NPR1: variants seen among roughly 807,000 people sequenced by gnomAD.
The protein encoded by NPR1 is natriuretic peptide receptor 1.
Under a neutral mutation model 116.9 loss-of-function variants are expected in NPR1, and 57 were observed. The ratio of observed to expected loss-of-function variants is 0.49; its 90% CI spans 0.39 to 0.61. The LOEUF is 0.61. Among genes scored for constraint, NPR1 ranks in the 20% least tolerant of loss-of-function variants. The pLI is 0.00. For synonymous variants in NPR1, 555 were observed against 601.6 expected (o/e 0.92, Z 1.13); for missense variants, 1,096 against 1,409.8 (o/e 0.78, Z 3.56).
intron 15 of NPR1, 87 bp from the exon 16 acceptor site, chr1:153,688,866 T>C: frequency 6.4e-7 from 1 of 1,550,460 alleles, no homozygotes; most frequent in Non-Finnish European, 8.8e-7. Context: ...CACTGCAGTC[T>C]GGAGGGGGAA....
Position 153,681,320 on chromosome 1 carries a change from G to C in NPR1, c.1035+27G>C, listed in dbSNP as rs1012795924. The C allele has an allele frequency of 2.2e-6, 3 of 1,334,012 alleles. No individual in the cohort carries two copies. In the African/African-American group the frequency reaches 4.3e-5, roughly 19 times the overall value. The allele number at this position is 1,334,012 out of a possible 1,614,324, so 82.6% of individuals were successfully genotyped here. On this transcript the variant is annotated intron_variant, in intron 3 of 21. Coordinates refer to ENST00000368680, the MANE Select transcript of NPR1 (RefSeq NM_000906.4). ...TAAGAAGGGGTCCCGGGACCCTCCA[G>C]CGTGGACCTCCAGCCCCCACTCCAT...
rs1266816811 is a variant in NPR1, at chr1:153,689,559, CA to C, written c.2757+39del. 3 of 1,583,116 alleles carry C rather than the reference CA, an allele frequency of 1.9e-6. No individual in the cohort carries two copies. In the East Asian group the frequency reaches 6.7e-5, roughly 35 times the overall value. On this transcript the variant is annotated intron_variant, in intron 18 of 21. Transcript: ENST00000368680. The surrounding 1 kb of genome is among the most constrained non-coding windows in gnomAD (Gnocchi z 5.1). ...GTGGGGATGGGAAGGGACAGACAGA[CA>C]TGGACAAGGTCAGAAAAAGATGAGG...
In NPR1 at chr1:153,679,532, C is replaced by G; in HGVS notation, c.424C>G (p.Pro142Ala). ...WRVPLLTAGAPALGFGVKDEY... is the reference protein window; with the variant it reads ...WRVPLLTAGAAALGFGVKDEY... ...GGTCCCGCTGCTGACCGCCGGCGCC[C>G]CGGCGCTGGGCTTCGGTGTCAAGGA... Residue 142 changes from proline to alanine, a missense_variant, in exon 1 of 22, where the codon CCG becomes GCG. Transcript: ENST00000368680. The surrounding 1 kb of genome is among the most constrained non-coding windows in gnomAD (Gnocchi z 4.2). 2 of 1,538,440 alleles carry G rather than the reference C, an allele frequency of 1.3e-6. No individual in the cohort carries two copies. The highest frequency in any genetic ancestry group is 1.7e-6 in the Non-Finnish European group (2 of 1,146,960).
intron 20 of NPR1, among the ~76,000 whole-genome samples, chr1:153,690,942 C>CAAA (rs57820357): frequency 3.9e-5 from 2 of 51,308 alleles, no homozygotes; most frequent in East Asian, 9.5e-4. Context: ...AACTCTGTCT[C>CAAA]AAAAAAAAAA....
Position 153,687,366 on chromosome 1 carries a change from G to A in NPR1, c.2092+10G>A. ...CACACCGTTTATGCCAGTGAGCCTT[G>A]ACTCTTGAACCTAACACCTGCCCCC... On this transcript the variant is annotated intron_variant, in intron 13 of 21. Transcript: ENST00000368680. The A allele has an allele frequency of 6.2e-7, 1 of 1,613,640 alleles. No individual in the cohort carries two copies. Among genetic ancestry groups the A allele is most frequent in the Non-Finnish European group, 8.5e-7 (1 of 1,179,772 alleles).
chr1:153,686,948 C>A, intron 11 of NPR1, 68 bp from the exon 12 acceptor site: 4 of 1,532,188 alleles, frequency 2.6e-6, no homozygotes, highest in South Asian at 1.1e-5. Context: ...ATCAGTAGGA[C>A]CCTGCACCCT....
chr1:153,682,589 G>C lies in NPR1; in HGVS notation c.1263G>C (p.Arg421Ser). Residue 421 changes from arginine to serine, a missense_variant and splice_region_variant, in exon 5 of 22, where the codon AGG (arginine) becomes AGC (serine). Physicochemically the swap from Arg to Ser is moderately radical, Grantham distance 110. Coordinates refer to ENST00000368680, the MANE Select transcript of NPR1 (RefSeq NM_000906.4). The stretch of plus-strand genomic sequence containing the variant: ...TGGATCCCGAGAATGGTGCCTTCAG[G>C]GTAAGTTTGTGCACCCAGAAGACAG... ...WDMDPENGAF[R>S]VVLNYNGTSQ... is the part of the protein sequence containing the mutation. 1 of 1,612,694 alleles carries C rather than the reference G, an allele frequency of 6.2e-7. No homozygotes were observed. Among genetic ancestry groups the C allele is most frequent in the Non-Finnish European group, 8.5e-7 (1 of 1,178,822 alleles).
rs1033564598 is a variant in NPR1, at chr1:153,693,513, G to A, written c.*99G>A. On this transcript the variant is annotated 3_prime_UTR_variant, in exon 22 of 22. Coordinates refer to ENST00000368680, the MANE Select transcript of NPR1 (RefSeq NM_000906.4). ...CACCCACAGCAGCCCCATCGCCAAA[G>A]GATGGAAGTAATTTGAATAGCTCAG... 7 of 1,088,024 alleles carry A rather than the reference G, an allele frequency of 6.4e-6. No homozygotes were observed. The African/African-American group carries it at 1.1e-4, about 17-fold the overall frequency. 67.4% of individuals were successfully genotyped at this position (1,088,024 alleles called of 1,614,324 possible). A position where few individuals can be genotyped will look rare whatever the true frequency, so the allele number is the denominator to read the frequency against.
intron 20 of NPR1, among the ~76,000 whole-genome samples, chr1:153,691,806 T>C (rs1217265359): frequency 6.7e-6 from 1 of 150,176 alleles, no homozygotes; most frequent in East Asian, 2.0e-4. Flanking sequence ...GGCTGAGACA[T>C]GAAAATCACT....
chr1:153,687,136 C>G, intron 12 of NPR1, 49 bp downstream of exon 12: 1 of 1,612,668 alleles, frequency 6.2e-7, no homozygotes. Context: ...GCCAGGCATG[C>G]TTCTCCTGGC....
rs1427514023 is a variant in NPR1, at chr1:153,680,667, T to TG, written c.891dup (p.Gln298AlafsTer18). The TG allele has an allele frequency of 9.9e-6, 16 of 1,613,824 alleles. No homozygotes were observed. Among genetic ancestry groups the TG allele is most frequent in the Non-Finnish European group, 1.2e-5 (14 of 1,179,972 alleles). Reference sequence around the variant, plus strand: ...CCCGCAGGCCCTGGGAGAGAGGGGATGGGCAGGATGTCAGTGCCCGCCAGG... The same window carrying TG: ...CCCGCAGGCCCTGGGAGAGAGGGGATGGGGCAGGATGTCAGTGCCCGCCAGG... On this transcript the variant is annotated frameshift_variant, in exon 2 of 22. Transcript: ENST00000368680. LOFTEE classifies it high-confidence loss of function.
chr1:153,691,978 G>A (rs1329260755), intron 20 of NPR1, among the ~76,000 whole-genome samples: 1 of 151,966 alleles, frequency 6.6e-6, no homozygotes, highest in Non-Finnish European at 1.5e-5. Context: ...CCAGAAGTAG[G>A]GACATGAGTT....
At chr1:153,688,260 C>G in intron 15 of NPR1, 39 bp downstream of exon 15, 3 of 1,592,278 alleles carry the variant, frequency 1.9e-6, no homozygotes, top group Non-Finnish European at 2.6e-6. Flanking sequence ...GGCCCTTCCT[C>G]CACAGCCACC....
At chr1:153,687,132 C>T (rs1298970858) in intron 12 of NPR1, 45 bp downstream of exon 12, 1 of 1,612,418 alleles carries the variant, frequency 6.2e-7, no homozygotes, top group South Asian at 1.1e-5. Context: ...AGGGGCCAGG[C>T]ATGCTTCTCC....
Position 153,687,276 on chromosome 1 carries a change from G to A in NPR1, c.2012G>A (p.Arg671His), listed in dbSNP as rs751925892. Reference sequence around the variant, plus strand: ...TCATCCAACTGCGTGGTAGATGGGCGCTTTGTGCTCAAGATCACCGACTAT... The same window carrying A: ...TCATCCAACTGCGTGGTAGATGGGCACTTTGTGCTCAAGATCACCGACTAT... ...LKSSNCVVDG[R>H]FVLKITDYGL... The change falls in exon 13 of 22, where the codon CGC becomes CAC. Residue 671 changes from arginine to histidine, a missense_variant. By Grantham distance (29) the Arg-to-His change is conservative. Coordinates refer to ENST00000368680, the MANE Select transcript of NPR1 (RefSeq NM_000906.4). 13 of 1,613,980 alleles carry A rather than the reference G, an allele frequency of 8.1e-6. No homozygotes were observed. The highest frequency in any genetic ancestry group is 2.7e-5 in the African/African-American group (2 of 74,892).
In NPR1 at chr1:153,690,345, A is replaced by G. The variant is rs1377559865; in HGVS notation, c.2994A>G (p.Thr998=). ...CCCGTTACTGTCTCTTTGGGGATAC[A>G]GTCAACACAGCCTCAAGAATGGAGT... is the stretch of plus-strand genomic sequence containing the variant. ...KMPRYCLFGD[T]VNTASRMESN... Residue 998 remains threonine (T), a synonymous_variant, in exon 20 of 22, where the codon ACA becomes ACG. Transcript: ENST00000368680. 5 of 1,560,428 alleles carry G rather than the reference A, an allele frequency of 3.2e-6. No homozygotes were observed. Among genetic ancestry groups the G allele is most frequent in the Non-Finnish European group, 4.3e-6 (5 of 1,150,952 alleles).
rs78235132 is a variant in NPR1 at position 153,679,460 on chromosome 1, T to C, written c.352T>C (p.Cys118Arg). The change falls in exon 1 of 22, where the codon TGC becomes CGC. Residue 118 changes from cysteine to arginine, a missense_variant. Coordinates refer to ENST00000368680, the MANE Select transcript of NPR1 (RefSeq NM_000906.4). The surrounding 1 kb of genome is among the most constrained non-coding windows in gnomAD (Gnocchi z 4.2). ...CCCCGCTGTGTTCCTGGGCCCCGGC[T>C]GCGTGTACGCCGCCGCCCCAGTGGG... ...HNPAVFLGPG[C>R]VYAAAPVGRF... The C allele has an allele frequency of 6.5e-7, 1 of 1,541,880 alleles. No individual in the cohort carries two copies. Among genetic ancestry groups the C allele is most frequent in the Non-Finnish European group, 8.7e-7 (1 of 1,148,254 alleles).
chr1:153,691,050 T>C lies in NPR1; in HGVS notation c.3031+668T>C, dbSNP rs543622307. ...AGGCTGTGAATCTCAGCTCCACAGC[T>C]GGCTGTGTGTCAGTTTGCTATACCT... On this transcript the variant is annotated intron_variant, in intron 20 of 21. Coordinates refer to ENST00000368680, the MANE Select transcript of NPR1 (RefSeq NM_000906.4). Among the ~76,000 whole-genome samples, 4 of 151,494 alleles carry C rather than the reference T, an allele frequency of 2.6e-5. No individual in the cohort carries two copies. The South Asian group carries it at 8.4e-4, about 32-fold the overall frequency.
chr1:153,681,009 G>T, intron 2 of NPR1, 171 bp from the exon 3 acceptor site: 1 of 603,306 alleles, frequency 1.7e-6, no homozygotes, highest in Non-Finnish European at 3.0e-6. Context: ...GCATCCCATT[G>T]GATCCCCTGC....
Sources: gnomAD v4.1 joint callset for allele counts (sites outside exome capture counted in the v4.1 genomes callset) on GRCh38, gnomAD v4.1.1 for gene constraint, Gnocchi (gnomAD v3.1) non-coding constraint, MANE v1.5 for transcripts, NCBI Gene and HGNC (gene_info 2026-07-23, HGNC 2026-07-21) for gene names.